Variants in PID1 observed in about 807,000 individuals in gnomAD.
PID1 encodes phosphotyrosine interaction domain containing 1, also known as PTB-containing, cubilin and LRP1-interacting protein.
PID1 carries 10 observed loss-of-function variants against 19.1 expected under a neutral mutation model. That is an observed-to-expected ratio of 0.52 (90% confidence interval 0.32 to 0.89). The LOEUF (loss-of-function observed/expected upper bound fraction) is 0.89, where lower values mean the gene tolerates loss of function less well. Among genes scored for constraint, PID1 ranks in the 40% least tolerant of loss-of-function variants. The pLI is 0.03. For missense variants in PID1, 248 were observed against 285.3 expected, an observed-to-expected ratio of 0.87 and a Z score of 0.94; for synonymous variants, 130 against 116.0, an observed-to-expected ratio of 1.12 and a Z score of -0.78.
At chr2:229,195,122 G>A (rs1691347575) in intron 1 of PID1, among the ~76,000 whole-genome samples, 1 of 151,688 alleles carries the variant, frequency 6.6e-6, no homozygotes, top group Non-Finnish European at 1.5e-5. Context: ...CTTGATTTCA[G>A]GTTTTAGAGA....
chr2:229,046,379 T>TGTGC lies in PID1; in HGVS notation c.178-20272_178-20271insGCAC, dbSNP rs1352720954. ...GTGTGTGTGTGTGTGTGTGTGTGTGTGCGTGTGTGTGTGTGTGTGAGTCAG... is the reference window on the plus strand; with the variant it reads ...GTGTGTGTGTGTGTGTGTGTGTGTGTGTGCGCGTGTGTGTGTGTGTGTGAGTCAG... On this transcript the variant is annotated intron_variant, in intron 2 of 2. Coordinates refer to ENST00000392055, the MANE Select transcript of PID1 (RefSeq NM_001100818.2). Among the ~76,000 whole-genome samples the TGTGC allele has an allele frequency of 2.5e-3, 354 of 144,264 alleles. 2 individuals are homozygous for TGTGC. The highest frequency in any genetic ancestry group is 7.8e-3 in the African/African-American group (304 of 38,752). The allele number at this position is 144,264 out of a possible 152,430, so 94.6% of individuals were successfully genotyped here.
intron 2 of PID1, among the ~76,000 whole-genome samples, chr2:229,030,728 G>C (rs1047413012): frequency 2.0e-5 from 3 of 151,894 alleles, no homozygotes; most frequent in Admixed American, 2.0e-4. Context: ...GCAAAATTTT[G>C]GTAACTAAGA....
chr2:229,263,534 G>A (rs1382165551), intron 1 of PID1, among the ~76,000 whole-genome samples: 4 of 152,062 alleles, frequency 2.6e-5, no homozygotes, highest in African/African-American at 9.7e-5. Flanking sequence ...ATCATGGCTG[G>A]GCTAGAACAC....
intron 1 of PID1, among the ~76,000 whole-genome samples, chr2:229,178,545 T>C (rs1433967758): frequency 6.6e-6 from 1 of 152,178 alleles, no homozygotes; most frequent in African/African-American, 2.4e-5. Flanking sequence ...TTGTAGTCTT[T>C]CTCAGTGACT....
At chr2:229,262,694 C>A in intron 1 of PID1, 1 of 1,551,304 alleles carries the variant, frequency 6.4e-7, no homozygotes, top group Non-Finnish European at 8.7e-7. Context: ...ATTTCGGAGG[C>A]TGGAAGTCCA....
intron 1 of PID1, among the ~76,000 whole-genome samples, chr2:229,206,956 C>A (rs1691622657): frequency 6.6e-6 from 1 of 152,132 alleles, no homozygotes; most frequent in Non-Finnish European, 1.5e-5. Flanking sequence ...TTCTATCAGG[C>A]TCCCAGGTGA....
At chr2:229,232,235 A>T (rs985537920) in intron 1 of PID1, 6 of 950,584 alleles carry the variant, frequency 6.3e-6, no homozygotes, top group Non-Finnish European at 8.6e-6. Flanking sequence ...CATCCTGGCT[A>T]ACACAGTGAA....
At chr2:229,244,634 T>C (rs530682248) in intron 1 of PID1, among the ~76,000 whole-genome samples, 3 of 152,190 alleles carry the variant, frequency 2.0e-5, no homozygotes, top group Non-Finnish European at 2.9e-5. Flanking sequence ...TTTGGGATTT[T>C]ATTTTGTAAC....
intron 2 of PID1, among the ~76,000 whole-genome samples, chr2:229,079,463 T>C (rs748444755): frequency 2.6e-5 from 4 of 152,214 alleles, no homozygotes; most frequent in Non-Finnish European, 5.9e-5. Flanking sequence ...CTAGAAAGAT[T>C]TGAGTCTCTT....
intron 2 of PID1, among the ~76,000 whole-genome samples, chr2:229,096,473 C>T (rs1017117): frequency 0.62 from 93,981 of 151,926 alleles, 31,805 homozygotes; most frequent in Non-Finnish European, 0.76. Context: ...AAGATGTCTC[C>T]GTTTCATACA....
At chr2:229,109,783 GTCTGGA>G (rs1460138713) in intron 2 of PID1, among the ~76,000 whole-genome samples, 4 of 152,224 alleles carry the variant, frequency 2.6e-5, no homozygotes, top group African/African-American at 9.6e-5. Context: ...ACAGATCCAT[GTCTGGA>G]GAATAAATAG....
At chr2:229,268,496 T>A (rs547302442) in intron 1 of PID1, among the ~76,000 whole-genome samples, 4 of 152,202 alleles carry the variant, frequency 2.6e-5, no homozygotes, top group Non-Finnish European at 5.9e-5. Flanking sequence ...TGATTCTAGG[T>A]ATTGATAAAA....
intron 2 of PID1, among the ~76,000 whole-genome samples, chr2:229,077,219 A>G (rs747649818): frequency 5.3e-5 from 8 of 152,068 alleles, no homozygotes; most frequent in Non-Finnish European, 1.0e-4. Context: ...TCCTTCGCCA[A>G]CTTTTTGATG....
chr2:229,238,219 T>C (rs1689769935), intron 1 of PID1, among the ~76,000 whole-genome samples: 1 of 152,174 alleles, frequency 6.6e-6, no homozygotes, highest in African/African-American at 2.4e-5. Context: ...CCTCTAATCA[T>C]CCAACAAAGT....
intron 1 of PID1, among the ~76,000 whole-genome samples, chr2:229,250,058 C>G (rs569862118): frequency 6.6e-6 from 1 of 152,308 alleles, no homozygotes; most frequent in East Asian, 1.9e-4. Flanking sequence ...ACACTAACTA[C>G]AGAAAGTGAA....
chr2:229,177,214 A>C (rs1317551628), intron 1 of PID1, among the ~76,000 whole-genome samples: 1 of 152,130 alleles, frequency 6.6e-6, no homozygotes, highest in African/African-American at 2.4e-5. Context: ...GAATGGTAGG[A>C]GTTACAATTC....
At chr2:229,141,757 C>T (rs1690016776) in intron 2 of PID1, among the ~76,000 whole-genome samples, 1 of 151,964 alleles carries the variant, frequency 6.6e-6, no homozygotes, top group Admixed American at 6.6e-5. Context: ...TTTATAATTC[C>T]TGGATTTGGC....
At chr2:229,140,510 T>C (rs148136980) in intron 2 of PID1, among the ~76,000 whole-genome samples, 1 of 146,732 alleles carries the variant, frequency 6.8e-6, no homozygotes, top group African/African-American at 2.5e-5. Context: ...CACAAGAAAA[T>C]GGTAGAGCTG....
chr2:229,218,344 G>C (rs1378952314), intron 1 of PID1, among the ~76,000 whole-genome samples: 1 of 85,960 alleles, frequency 1.2e-5, no homozygotes, highest in East Asian at 3.3e-4. Context: ...ATATAGAAAA[G>C]AAATCACTGA....
Sources: gnomAD v4.1 joint callset for allele counts (sites outside exome capture counted in the v4.1 genomes callset) on GRCh38, gnomAD v4.1.1 for gene constraint, MANE v1.5 for transcripts, NCBI Gene and HGNC (gene_info 2026-07-23, HGNC 2026-07-21) for gene names.